PC: variants seen among roughly 807,000 people sequenced by gnomAD.
PC encodes pyruvate carboxylase, mitochondrial.
Under a neutral mutation model 107.8 loss-of-function variants are expected in PC, and 46 were observed. The ratio of observed to expected loss-of-function variants is 0.43; its 90% CI spans 0.34 to 0.55. The LOEUF (loss-of-function observed/expected upper bound fraction) is 0.55, where lower values mean the gene tolerates loss of function less well. PC is among the 20% of genes least tolerant of loss of function. PC has a pLI of 0.04. For missense variants in PC, 1,241 were observed against 1,643.1 expected (o/e 0.76, Z 4.23); for synonymous variants, 662 against 684.7 (o/e 0.97, Z 0.52).
At chr11:66,885,324 C>T (rs1433936108) in intron 3 of PC, among the ~76,000 whole-genome samples, 1 of 151,866 alleles carries the variant, frequency 6.6e-6, no homozygotes, top group African/African-American at 2.4e-5. Context: ...CCCATCTCTA[C>T]CAAAAAATAC....
chr11:66,860,431 G>T, intron 12 of PC: 1 of 707,252 alleles, frequency 1.4e-6, no homozygotes, highest in South Asian at 1.5e-5. Context: ...GCCACCCACT[G>T]GGAGTCTTGT....
chr11:66,850,458 G>A lies in PC; in HGVS notation c.2480C>T (p.Pro827Leu). ...TRGTPLDTEV[P>L]MERVFDYSEY... Reference sequence around the variant, plus strand: ...ACTGTAGTCAAACACGCGCTCCATGGGCACCTCTGCAGGGAGGCCAGAGTC... The same window carrying A: ...ACTGTAGTCAAACACGCGCTCCATGAGCACCTCTGCAGGGAGGCCAGAGTC... The change falls in exon 19 of 23, where the codon CCC becomes CTC. Residue 827 changes from proline (P) to leucine (L), a missense_variant. By Grantham distance (98) the Pro-to-Leu change is moderately conservative. Around this residue, in one of 2 missense-constraint regions of PC, gnomAD observed 1,143 missense variants for 1,551.9 expected, o/e 0.74. Transcript: ENST00000393960. 1 of 1,613,900 alleles carries A rather than the reference G, an allele frequency of 6.2e-7. No individual in the cohort carries two copies. The highest frequency in any genetic ancestry group is 1.1e-5 in the South Asian group (1 of 91,080).
chr11:66,924,369 C>CAAAAA (rs71045970), intron 3 of PC, among the ~76,000 whole-genome samples: 3 of 65,590 alleles, frequency 4.6e-5, no homozygotes, highest in African/African-American at 1.2e-4. Flanking sequence ...CCATCTCTAC[C>CAAAAA]AAAAAAAAAA....
intron 3 of PC, among the ~76,000 whole-genome samples, chr11:66,945,420 G>T (rs1215918826): frequency 2.1e-5 from 2 of 97,266 alleles, no homozygotes; most frequent in African/African-American, 8.2e-5. Context: ...AAATGGTTTG[G>T]GGGGGCGGGT....
chr11:66,956,489 G>A (rs1007881517), intron 1 of PC, among the ~76,000 whole-genome samples: 2 of 152,144 alleles, frequency 1.3e-5, no homozygotes, highest in Non-Finnish European at 2.9e-5. Context: ...GGATGCTGAG[G>A]CAGGAGAATC....
intron 3 of PC, among the ~76,000 whole-genome samples, chr11:66,903,773 A>AAATAT (rs1555039098): frequency 1.4e-4 from 9 of 62,530 alleles, no homozygotes; most frequent in African/African-American, 4.9e-4. Flanking sequence ...AAAAAAAAAA[A>AAATAT]ATATATATAT....
At position 66,940,380 on chromosome 11, in the gene PC, T is replaced by C. The variant is rs1230773172; in HGVS notation, c.-1+12050A>G. 3.3e-5 allele frequency among the ~76,000 whole-genome samples: 5 copies of C among 151,884 alleles called. No homozygotes were observed. The South Asian group carries it at 1.0e-3, about 32-fold the overall frequency. Reference sequence around the variant, plus strand: ...CCATTTTGAATCAGGTGGTTTTTTGTGTGTGTGTGTTGAATTTTGGGAGTT... The same window carrying C: ...CCATTTTGAATCAGGTGGTTTTTTGCGTGTGTGTGTTGAATTTTGGGAGTT... On this transcript the variant is annotated intron_variant, in intron 3 of 22. Coordinates refer to ENST00000393960, the MANE Select transcript of PC (RefSeq NM_001040716.2).
At chr11:66,932,846 G>A (rs1438442321) in intron 3 of PC, among the ~76,000 whole-genome samples, 1 of 152,144 alleles carries the variant, frequency 6.6e-6, no homozygotes, top group Non-Finnish European at 1.5e-5. Flanking sequence ...CAAATGCCCT[G>A]TCTTTTCTGC....
intron 3 of PC, among the ~76,000 whole-genome samples, chr11:66,895,578 AC>A (rs1186044867): frequency 6.6e-6 from 1 of 152,204 alleles, no homozygotes; most frequent in Non-Finnish European, 1.5e-5. Flanking sequence ...TTTTTAAAGA[AC>A]CATTTGGGGA....
At chr11:66,957,181 G>A (rs980785456) in intron 1 of PC, among the ~76,000 whole-genome samples, 3 of 152,216 alleles carry the variant, frequency 2.0e-5, no homozygotes, top group South Asian at 4.1e-4. Context: ...CAGTGGGTAC[G>A]GGAGCAATAG....
intron 3 of PC, among the ~76,000 whole-genome samples, chr11:66,943,661 G>A (rs1460801357): frequency 7.1e-6 from 1 of 140,136 alleles, no homozygotes; most frequent in Admixed American, 7.4e-5. Context: ...GCTGAGGCAG[G>A]AGAATGGCAT....
chr11:66,914,419 G>A (rs181296129), intron 3 of PC, among the ~76,000 whole-genome samples: 8 of 152,176 alleles, frequency 5.3e-5, no homozygotes, highest in Admixed American at 4.6e-4. Context: ...GGCTGAGGCA[G>A]GAAATCGCTT....
At chr11:66,957,955 C>G (rs893528761) in intron 1 of PC, 2 of 152,254 alleles carry the variant, frequency 1.3e-5, no homozygotes, top group Non-Finnish European at 2.9e-5. Context: ...GGGTTCGAAC[C>G]CTCAGGGACC....
chr11:66,873,433 TTA>T (rs1225310137), intron 3 of PC, among the ~76,000 whole-genome samples: 6 of 83,706 alleles, frequency 7.2e-5, no homozygotes, highest in Non-Finnish European at 1.3e-4. Flanking sequence ...ATTATATATA[TTA>T]TATATTATAT....
At position 66,866,352 on chromosome 11, in the gene PC, G is replaced by A. The variant is rs1268745032; in HGVS notation, c.1023-3C>T. 2 of 1,608,026 alleles carry A rather than the reference G, an allele frequency of 1.2e-6. No homozygotes were observed. The highest frequency in any genetic ancestry group is 1.3e-5 in the African/African-American group (1 of 74,716). On this transcript the variant is annotated splice_region_variant and splice_polypyrimidine_tract_variant and intron_variant, in intron 10 of 22. Coordinates refer to ENST00000393960, the MANE Select transcript of PC (RefSeq NM_001040716.2). The surrounding 1 kb of genome is among the most constrained non-coding windows in gnomAD (Gnocchi z 5.4). The stretch of plus-strand genomic sequence containing the variant: ...TCTGAGCATGGACCAGGTCTACGCT[G>A]TAGGGCATTGGGGGGAGGGGGGAAA...
At chr11:66,901,271 G>A (rs1947947559) in intron 3 of PC, among the ~76,000 whole-genome samples, 1 of 152,164 alleles carries the variant, frequency 6.6e-6, no homozygotes, top group Non-Finnish European at 1.5e-5. Flanking sequence ...TGTAGGTCCA[G>A]CCGATGAGAC....
chr11:66,899,722 C>T (rs563009679), intron 3 of PC, among the ~76,000 whole-genome samples: 5 of 152,162 alleles, frequency 3.3e-5, no homozygotes, highest in Admixed American at 6.5e-5. Context: ...TTGTCTTTTC[C>T]CTTTCTTGAT....
intron 3 of PC, among the ~76,000 whole-genome samples, chr11:66,923,197 C>T (rs374704752): frequency 2.8e-4 from 42 of 152,078 alleles, no homozygotes; most frequent in African/African-American, 9.2e-4. Context: ...CCTGTCTCTA[C>T]TAAAAATACA....
intron 3 of PC, among the ~76,000 whole-genome samples, chr11:66,888,579 C>T (rs547353573): frequency 6.6e-6 from 1 of 152,318 alleles, no homozygotes; most frequent in South Asian, 2.1e-4. Flanking sequence ...ACCCGCCAGG[C>T]ACCTGGACAG....
Sources: allele counts gnomAD v4.1 joint callset (sites outside exome capture counted in the v4.1 genomes callset), GRCh38; gene constraint gnomAD v4.1.1; regional missense constraint gnomAD v4.1.1; non-coding constraint Gnocchi (gnomAD v3.1); transcripts MANE v1.5; gene names NCBI Gene and HGNC (gene_info 2026-07-23, HGNC 2026-07-21).